Variants in SLC17A1 observed in about 807,000 individuals in gnomAD.
SLC17A1 encodes the protein sodium-dependent phosphate transport protein 1.
In SLC17A1, 51 loss-of-function variants were observed where a neutral mutation model predicts 53.5. The observed-to-expected ratio is 0.95, with a 90% CI of 0.76 to 1.20. SLC17A1 has a LOEUF of 1.20. Among genes scored for constraint, SLC17A1 ranks in the 50% most tolerant of loss-of-function variants. The pLI is 0.00. For missense variants in SLC17A1, 538 were observed against 568.2 expected, an observed-to-expected ratio of 0.95 and a Z score of 0.54; for synonymous variants, 179 against 198.8, an observed-to-expected ratio of 0.90 and a Z score of 0.84.
At chr6:25,823,551 T>C (rs1764637521) in intron 3 of SLC17A1, among the ~76,000 whole-genome samples, 1 of 152,098 alleles carries the variant, frequency 6.6e-6, no homozygotes, top group African/African-American at 2.4e-5. Context: ...TTGATGTTTG[T>C]CTCCAATGTC....
the SLC17A1 span, among the ~76,000 whole-genome samples, chr6:25,762,656 T>C: frequency 1.3e-5 from 2 of 152,348 alleles, no homozygotes; most frequent in South Asian, 2.1e-4. Flanking sequence ...CAAGATGGAA[T>C]GCTTTGTAAT....
chr6:25,750,832 A>G, the SLC17A1 span, among the ~76,000 whole-genome samples: 6 of 152,116 alleles, frequency 3.9e-5, no homozygotes, highest in Admixed American at 2.6e-4. Flanking sequence ...TTTGTCAGCA[A>G]TGGGCCTAGT....
the SLC17A1 span, among the ~76,000 whole-genome samples, chr6:25,765,025 A>T: frequency 2.6e-5 from 4 of 152,192 alleles, no homozygotes; most frequent in East Asian, 7.7e-4. Context: ...ACACCACCAC[A>T]TTATAGCTGG....
downstream of SLC17A1, among the ~76,000 whole-genome samples, chr6:25,781,829 A>T (rs1282064699): frequency 1.3e-5 from 2 of 152,224 alleles, no homozygotes; most frequent in Non-Finnish European, 2.9e-5. Context: ...TGGACCCAAC[A>T]TTGGGATCAA....
chr6:25,743,931 G>C, the SLC17A1 span, among the ~76,000 whole-genome samples: 1 of 152,218 alleles, frequency 6.6e-6, no homozygotes, highest in Non-Finnish European at 1.5e-5. Flanking sequence ...GGAGAAGAGA[G>C]TGAGAAAAGT....
intron 12 of SLC17A1, among the ~76,000 whole-genome samples, chr6:25,791,390 A>G (rs1384068693): frequency 6.6e-6 from 1 of 152,224 alleles, no homozygotes; most frequent in Non-Finnish European, 1.5e-5. Context: ...AGACCACTGA[A>G]TATGTTGTAA....
chr6:25,752,699 TC>T, the SLC17A1 span, among the ~76,000 whole-genome samples: 1 of 152,206 alleles, frequency 6.6e-6, no homozygotes, highest in Non-Finnish European at 1.5e-5. Context: ...ACGCCTGTAA[TC>T]CCAGCACTTT....
chr6:25,772,704 T>C, the SLC17A1 span, among the ~76,000 whole-genome samples: 9 of 152,154 alleles, frequency 5.9e-5, no homozygotes, highest in African/African-American at 2.2e-4. Context: ...AAGAGATAGA[T>C]ATGGAAAGGT....
At chr6:25,798,362 T>G (rs1763649577) in intron 12 of SLC17A1, among the ~76,000 whole-genome samples, 1 of 152,224 alleles carries the variant, frequency 6.6e-6, no homozygotes, top group South Asian at 2.1e-4. Flanking sequence ...CAGGGTTACC[T>G]TTAAAGTTTC....
the SLC17A1 span, chr6:25,776,606 G>C: frequency 6.2e-7 from 1 of 1,606,546 alleles, no homozygotes; most frequent in Non-Finnish European, 8.5e-7. Context: ...GTGGGATCCT[G>C]TCTGCCTTGC....
At chr6:25,789,832 A>G (rs1023855253) in intron 12 of SLC17A1, among the ~76,000 whole-genome samples, 1 of 152,238 alleles carries the variant, frequency 6.6e-6, no homozygotes. Flanking sequence ...GGCCGAAAAG[A>G]ATATCACTGA....
Position 25,798,861 on chromosome 6 carries a change from C to T in SLC17A1, c.1328G>A (p.Gly443Asp), listed in dbSNP as rs762985278. The T allele has an allele frequency of 5.6e-6, 9 of 1,609,490 alleles. No individual in the cohort carries two copies. The highest frequency in any genetic ancestry group is 2.2e-5 in the East Asian group (1 of 44,856). The change falls in exon 12 of 13, where the codon GGC becomes GAC. Residue 443 changes from glycine (G) to aspartate (D), a missense_variant. Physicochemically the swap from Gly to Asp is moderately conservative, Grantham distance 94. Transcript: ENST00000244527. Reference sequence around the variant, plus strand: ...AGCAACTATAAGGTAGAAAATTAGGCCAGTCACATTAATGGCTGCCATCAG... The same window carrying T: ...AGCAACTATAAGGTAGAAAATTAGGTCAGTCACATTAATGGCTGCCATCAG... ...FILMAAINVT[G>D]LIFYLIVATA...
intron 5 of SLC17A1, 136 bp downstream of exon 5, chr6:25,819,375 C>T: frequency 2.6e-6 from 2 of 775,684 alleles, no homozygotes; most frequent in African/African-American, 1.7e-5. Context: ...CTCTCATCTT[C>T]ATAGCAAGAA....
the SLC17A1 span, chr6:25,769,190 G>C: frequency 6.2e-7 from 1 of 1,613,120 alleles, no homozygotes; most frequent in Non-Finnish European, 8.5e-7. Flanking sequence ...TTAAAGCAAT[G>C]GTAAGTTTAA....
Position 25,826,464 on chromosome 6 carries a change from T to C in SLC17A1, c.204A>G (p.Ile68Met), listed in dbSNP as rs775327214. 7.5e-6 allele frequency: 12 copies of C among 1,597,638 alleles called. No individual in the cohort carries two copies. In the East Asian group the frequency reaches 2.5e-4, roughly 33 times the overall value. The change falls in exon 3 of 13, where the codon ATA (isoleucine) becomes ATG (methionine). Residue 68 changes from isoleucine to methionine, a missense_variant. Transcript: ENST00000244527. ...NTSTKKLLDN[I>M]KNPMYNWSPD... is the part of the protein sequence containing the mutation. ...GTGGGGAAAATTATTGATGTACCTT[T>C]ATATTATCCAGGAGCTTCTTTGTGG...
At chr6:25,800,842 T>C in intron 11 of SLC17A1, 48 bp downstream of exon 11, 2 of 1,179,236 alleles carry the variant, frequency 1.7e-6, no homozygotes, top group Non-Finnish European at 2.5e-6. Flanking sequence ...AATCTTTCTC[T>C]ATACAATTAA....
At chr6:25,734,522 T>C in the SLC17A1 span, among the ~76,000 whole-genome samples, 14 of 152,234 alleles carry the variant, frequency 9.2e-5, no homozygotes, top group Middle Eastern at 3.4e-3. Flanking sequence ...CAAAAGTGAA[T>C]GAAGAAGGCA....
chr6:25,812,734 A>C, intron 8 of SLC17A1, 97 bp downstream of exon 8: 1 of 824,886 alleles, frequency 1.2e-6, no homozygotes, highest in Non-Finnish European at 1.9e-6. Context: ...AGATAGTGTG[A>C]GGAGCTGGCA....
chr6:25,775,089 G>C, the SLC17A1 span, among the ~76,000 whole-genome samples: 1 of 152,124 alleles, frequency 6.6e-6, no homozygotes, highest in Non-Finnish European at 1.5e-5. Flanking sequence ...CAACACTTTG[G>C]GAGGATGAGG....
Sources: gnomAD v4.1 joint callset for allele counts (sites outside exome capture counted in the v4.1 genomes callset) on GRCh38, gnomAD v4.1.1 for gene constraint, MANE v1.5 for transcripts, NCBI Gene and HGNC (gene_info 2026-07-23, HGNC 2026-07-21) for gene names.